The following EPB41L3 variants were observed in gnomAD, a reference collection of about 807,000 sequenced individuals.
The protein encoded by EPB41L3 is erythrocyte membrane protein band 4.1 like 3, also known as band 4.1-like protein 3.
A neutral mutation model predicts 127.1 loss-of-function variants in EPB41L3; 57 were observed. The observed-to-expected ratio is 0.45, with a 90% CI of 0.36 to 0.56. The LOEUF (loss-of-function observed/expected upper bound fraction) is 0.56, where lower values mean the gene tolerates loss of function less well. Among genes scored for constraint, EPB41L3 ranks in the 20% least tolerant of loss-of-function variants. EPB41L3 has a pLI of 0.00. For missense variants in EPB41L3, 1,273 were observed against 1,372.2 expected, an observed-to-expected ratio of 0.93 and a Z score of 1.14; for synonymous variants, 572 against 549.5, an observed-to-expected ratio of 1.04 and a Z score of -0.57.
intron 3 of EPB41L3, among the ~76,000 whole-genome samples, chr18:5,461,367 T>A (rs1005215599): frequency 1.3e-5 from 2 of 152,204 alleles, no homozygotes; most frequent in Non-Finnish European, 2.9e-5. Context: ...ATCACTTATG[T>A]CTATAAGCAG....
At chr18:5,629,519 G>A (rs867813702), upstream of EPB41L3, among the ~76,000 whole-genome samples, 15 of 152,126 alleles carry the variant, frequency 9.9e-5, no homozygotes, top group Admixed American at 8.5e-4. Flanking sequence ...TTGAAAGCAG[G>A]AAAGCAGGGG....
At chr18:5,615,789 T>G (rs894111001) in intron 1 of EPB41L3, among the ~76,000 whole-genome samples, 1 of 152,158 alleles carries the variant, frequency 6.6e-6, no homozygotes, top group African/African-American at 2.4e-5. Context: ...AAAAGAAAAT[T>G]TTTAACACAG....
At chr18:5,484,471 G>A (rs1019882957) in intron 2 of EPB41L3, among the ~76,000 whole-genome samples, 41 of 149,746 alleles carry the variant, frequency 2.7e-4, no homozygotes, top group Non-Finnish European at 5.0e-4. Flanking sequence ...CCCAAATTAG[G>A]AAAAAAAGAA....
chr18:5,630,113 A>T (rs1054211124), upstream of EPB41L3, among the ~76,000 whole-genome samples: 10 of 152,150 alleles, frequency 6.6e-5, no homozygotes, highest in African/African-American at 2.4e-4. Flanking sequence ...GATCCCGGTC[A>T]GCTTAAACCG....
chr18:5,492,001 T>G lies in EPB41L3; in HGVS notation c.-11-2807A>C, dbSNP rs1036641789. ...AAGCAAGCAATAACCTGATTTTTAA[T>G]GGCAAACTAATATCAACATCTAAAT... On this transcript the variant is annotated intron_variant, in intron 1 of 22. Coordinates refer to ENST00000341928, the MANE Select transcript of EPB41L3 (RefSeq NM_012307.5). Among the ~76,000 whole-genome samples, 16 of 152,164 alleles carry G rather than the reference T, an allele frequency of 1.1e-4. No individual in the cohort carries two copies. The East Asian group carries it at 3.1e-3, about 29-fold the overall frequency.
intron 3 of EPB41L3, among the ~76,000 whole-genome samples, chr18:5,445,928 C>T (rs912582032): frequency 6.6e-6 from 1 of 152,100 alleles, no homozygotes; most frequent in African/African-American, 2.4e-5. Context: ...CAAAACCATC[C>T]TCCACCCCAG....
intron 2 of EPB41L3, among the ~76,000 whole-genome samples, chr18:5,485,196 C>T (rs540601691): frequency 4.0e-5 from 6 of 151,764 alleles, no homozygotes; most frequent in Non-Finnish European, 7.4e-5. Flanking sequence ...GTTAAACATA[C>T]AAAAATCAAT....
Position 5,397,475 on chromosome 18 carries a change from G to A in EPB41L3, c.2473-49C>T. On this transcript the variant is annotated intron_variant, in intron 17 of 22. Coordinates refer to ENST00000341928, the MANE Select transcript of EPB41L3 (RefSeq NM_012307.5). The surrounding 1 kb of genome is among the most constrained non-coding windows in gnomAD (Gnocchi z 4.1). The stretch of plus-strand genomic sequence containing the variant: ...TCAGTGTGACCATCCATAAACCAAA[G>A]GTCAGAAAATAACTAAAGCTGCCAC... 3 of 1,535,310 alleles carry A rather than the reference G, an allele frequency of 2.0e-6. No homozygotes were observed. The highest frequency in any genetic ancestry group is 2.6e-6 in the Non-Finnish European group (3 of 1,143,208).
chr18:5,553,668 A>G (rs1160544161), intron 3 of EPB41L3, among the ~76,000 whole-genome samples: 1 of 152,232 alleles, frequency 6.6e-6, no homozygotes, highest in East Asian at 1.9e-4. Flanking sequence ...CCTTCAGGAC[A>G]TACCCAGAAT....
At chr18:5,473,712 T>C (rs998607747) in intron 3 of EPB41L3, among the ~76,000 whole-genome samples, 1 of 152,138 alleles carries the variant, frequency 6.6e-6, no homozygotes, top group Non-Finnish European at 1.5e-5. Context: ...TCTTTTAAAA[T>C]GTAGTTTGAG....
chr18:5,531,752 A>G (rs575030952), intron 1 of EPB41L3, among the ~76,000 whole-genome samples: 4 of 148,052 alleles, frequency 2.7e-5, no homozygotes, highest in East Asian at 4.0e-4. Flanking sequence ...AAAAAAAAAA[A>G]GGAAGAAAGA....
chr18:5,479,252 G>A (rs1355836588), intron 2 of EPB41L3, among the ~76,000 whole-genome samples: 2 of 152,186 alleles, frequency 1.3e-5, no homozygotes, highest in Admixed American at 1.3e-4. Flanking sequence ...ACCAATGGTA[G>A]TACTGCAAAT....
chr18:5,558,319 G>C (rs1333525524), intron 3 of EPB41L3, among the ~76,000 whole-genome samples: 1 of 152,210 alleles, frequency 6.6e-6, no homozygotes, highest in East Asian at 1.9e-4. Context: ...CACTCTGACA[G>C]ATATGAGGAC....
chr18:5,466,660 C>A (rs969921434), intron 3 of EPB41L3, among the ~76,000 whole-genome samples: 1 of 152,142 alleles, frequency 6.6e-6, no homozygotes, highest in Non-Finnish European at 1.5e-5. Flanking sequence ...AAAAAGTGCT[C>A]ATAGATGCTG....
At position 5,412,624 on chromosome 18, in the gene EPB41L3, T is replaced by A. The variant is rs114615583; in HGVS notation, c.2068-2005A>T. 6.2e-3 allele frequency among the ~76,000 whole-genome samples: 943 copies of A among 152,314 alleles called. 4 individuals are homozygous for A. The highest frequency in any genetic ancestry group is 0.021 in the African/African-American group (889 of 41,560). ...CCTATTTAGCTTATTTCCCTTGTGG[T>A]TTTAAAATTTACTTCAGTAACTTGC... On this transcript the variant is annotated intron_variant, in intron 13 of 22. Transcript: ENST00000341928.
At position 5,433,472 on chromosome 18, in the gene EPB41L3, A is replaced by G; in HGVS notation, c.909T>C (p.Ala303=). ...LSMYGVDLHH[A]KDSEGVEIML... ...TAGGGTTTAAAAAGATGCATACCTTAGCATGATGTAAATCTACCCCATACA... is the reference window on the plus strand; with the variant it reads ...TAGGGTTTAAAAAGATGCATACCTTGGCATGATGTAAATCTACCCCATACA... The change falls in exon 8 of 23, where the codon GCT becomes GCC. Residue 303 remains alanine, a synonymous_variant. Coordinates refer to ENST00000341928, the MANE Select transcript of EPB41L3 (RefSeq NM_012307.5). The G allele has an allele frequency of 6.8e-6, 11 of 1,609,398 alleles. No homozygotes were observed. Among genetic ancestry groups the G allele is most frequent in the Non-Finnish European group, 9.4e-6 (11 of 1,176,176 alleles).
chr18:5,403,590 C>CAA (rs199992647), intron 16 of EPB41L3, among the ~76,000 whole-genome samples: 95 of 102,646 alleles, frequency 9.3e-4, no homozygotes, highest in African/African-American at 2.5e-3. Context: ...TCACTGAGAC[C>CAA]AAAAAAAAAA....
chr18:5,405,958 G>C (rs1401339363), intron 16 of EPB41L3, among the ~76,000 whole-genome samples: 4 of 152,132 alleles, frequency 2.6e-5, no homozygotes, highest in African/African-American at 4.8e-5. Flanking sequence ...AGGTGCGATG[G>C]CTCACGCCTG....
chr18:5,540,343 G>A (rs1012763796), intron 1 of EPB41L3: 18 of 984,920 alleles, frequency 1.8e-5, no homozygotes, highest in African/African-American at 3.5e-5. Context: ...ACAATACCTC[G>A]CAATGCAGTT....
Sources: allele counts gnomAD v4.1 joint callset (sites outside exome capture counted in the v4.1 genomes callset), GRCh38; gene constraint gnomAD v4.1.1; non-coding constraint Gnocchi (gnomAD v3.1); transcripts MANE v1.5; gene names NCBI Gene and HGNC (gene_info 2026-07-23, HGNC 2026-07-21).